Variants in DNAH3 observed in about 807,000 individuals in gnomAD.
DNAH3 encodes axonemal beta dynein heavy chain 3.
Under a neutral mutation model 432.5 loss-of-function variants are expected in DNAH3, and 332 were observed. That is an observed-to-expected ratio of 0.77 (90% confidence interval 0.70 to 0.84). DNAH3 has a LOEUF of 0.84. DNAH3 is among the 40% of genes least tolerant of loss of function. The pLI, the probability that DNAH3 is intolerant of heterozygous loss-of-function variation, is 0.00. For missense variants in DNAH3, 4,861 were observed against 5,114.0 expected (o/e 0.95, Z 1.51); for synonymous variants, 1,956 against 1,900.2 (o/e 1.03, Z -0.76).
At position 20,963,292 on chromosome 16, in the gene DNAH3, G is replaced by A. The variant is rs140740266; in HGVS notation, c.10592C>T (p.Pro3531Leu). ...CAACACTCTGTTCTTACCTGCCATT[G>A]GGTCTGCACTTGGAGACAACACAAA... is the stretch of plus-strand genomic sequence containing the variant. Residue 3531 changes from proline to leucine, a missense_variant, in exon 53 of 62, where the codon CCA (proline) becomes CTA (leucine). Physicochemically the swap from Pro to Leu is moderately conservative, Grantham distance 98. Transcript: ENST00000261383. The A allele has an allele frequency of 2.1e-5, 34 of 1,613,146 alleles. No individual in the cohort carries two copies. In the African/African-American group the frequency reaches 4.3e-4, roughly 20 times the overall value.
intron 1 of DNAH3, among the ~76,000 whole-genome samples, chr16:21,154,132 G>T (rs936485069): frequency 6.6e-6 from 1 of 152,222 alleles, no homozygotes; most frequent in Non-Finnish European, 1.5e-5. Flanking sequence ...GGCCAGGCGC[G>T]GTGGCCCATG....
At chr16:20,933,131 T>A (rs371106720) in exon 62 of DNAH3, 3 of 1,589,184 alleles carry the variant, frequency 1.9e-6, no homozygotes, top group African/African-American at 2.7e-5. Flanking sequence ...TGCTTTTTAT[T>A]TTCTGTCTTG....
intron 29 of DNAH3, among the ~76,000 whole-genome samples, chr16:21,050,900 T>C (rs188390014): frequency 1.1e-4 from 17 of 152,338 alleles, no homozygotes; most frequent in Admixed American, 9.1e-4. Flanking sequence ...AGTTTCTATG[T>C]TTTCATTTAG....
intron 39 of DNAH3, among the ~76,000 whole-genome samples, chr16:21,023,605 A>C (rs1189588911): frequency 6.6e-6 from 1 of 152,170 alleles, no homozygotes; most frequent in Non-Finnish European, 1.5e-5. Context: ...TCTTGGAAAC[A>C]AGACAGGACT....
chr16:20,981,214 A>G (rs894291474), intron 49 of DNAH3, among the ~76,000 whole-genome samples: 2 of 152,218 alleles, frequency 1.3e-5, no homozygotes, highest in Non-Finnish European at 2.9e-5. Flanking sequence ...GCCTACATTC[A>G]TAACTGGAGG....
chr16:21,075,678 C>T (rs1597319867), intron 20 of DNAH3, 117 bp from the exon 21 acceptor site: 22 of 779,108 alleles, frequency 2.8e-5, no homozygotes, highest in Non-Finnish European at 4.2e-5. Context: ...TTTGGGAGGC[C>T]GAGGAGGGAA....
intron 39 of DNAH3, among the ~76,000 whole-genome samples, chr16:21,023,987 A>T (rs775432738): frequency 1.3e-5 from 2 of 152,134 alleles, no homozygotes; most frequent in Non-Finnish European, 2.9e-5. Context: ...TAAGCATTCT[A>T]TTAACACAGG....
intron 3 of DNAH3, among the ~76,000 whole-genome samples, chr16:21,144,961 T>C (rs1365630170): frequency 6.6e-6 from 1 of 150,818 alleles, no homozygotes; most frequent in East Asian, 1.9e-4. Flanking sequence ...CTACTAAAAA[T>C]ACAAAAAAAA....
intron 19 of DNAH3, among the ~76,000 whole-genome samples, chr16:21,085,652 T>C (rs920819613): frequency 6.6e-6 from 1 of 151,424 alleles, no homozygotes; most frequent in Non-Finnish European, 1.5e-5. Flanking sequence ...GAAAGTAGCT[T>C]CTCCCTACAA....
At chr16:21,109,727 CCTCT>C (rs1233956250) in intron 14 of DNAH3, among the ~76,000 whole-genome samples, 12 of 151,312 alleles carry the variant, frequency 7.9e-5, no homozygotes, top group Non-Finnish European at 1.8e-4. Flanking sequence ...AACTTGCATA[CCTCT>C]CTCTTTTTTT....
At chr16:21,155,182 T>G (rs1406111649) in intron 1 of DNAH3, among the ~76,000 whole-genome samples, 3 of 151,886 alleles carry the variant, frequency 2.0e-5, no homozygotes, top group Non-Finnish European at 4.4e-5. Context: ...ACCCCTGACC[T>G]CAAGTGATCT....
intron 51 of DNAH3, among the ~76,000 whole-genome samples, chr16:20,972,235 TCTC>T (rs889416633): frequency 5.3e-4 from 77 of 145,688 alleles, no homozygotes; most frequent in African/African-American, 2.0e-3. Context: ...TTTTTTTTTC[TCTC>T]TTTTTTTTTT....
At chr16:21,061,918 C>T (rs2090374005) in intron 25 of DNAH3, among the ~76,000 whole-genome samples, 1 of 152,184 alleles carries the variant, frequency 6.6e-6, no homozygotes, top group South Asian at 2.1e-4. Context: ...CTCCTGGTTG[C>T]TGCAGTTTAT....
At chr16:21,018,720 C>A (rs1025299197) in intron 41 of DNAH3, among the ~76,000 whole-genome samples, 3 of 151,970 alleles carry the variant, frequency 2.0e-5, no homozygotes, top group Non-Finnish European at 4.4e-5. Flanking sequence ...TGTGGTGAAA[C>A]CCCATCTCTA....
chr16:21,049,471 A>G (rs1038398670), intron 31 of DNAH3, 98 bp downstream of exon 31: 5 of 898,678 alleles, frequency 5.6e-6, no homozygotes, highest in Non-Finnish European at 8.8e-6. Flanking sequence ...TGTCTGCCAT[A>G]CAAGAGATAT....
intron 50 of DNAH3, among the ~76,000 whole-genome samples, chr16:20,978,600 C>A (rs2085707938): frequency 6.6e-6 from 1 of 152,170 alleles, no homozygotes; most frequent in Non-Finnish European, 1.5e-5. Context: ...GTGGTACGAT[C>A]ATAGCTCACT....
At chr16:20,999,449 T>C (rs1379575329) in intron 43 of DNAH3, among the ~76,000 whole-genome samples, 1 of 152,180 alleles carries the variant, frequency 6.6e-6, no homozygotes, top group East Asian at 1.9e-4. Flanking sequence ...ACTCAGGCAA[T>C]ATTTCCTCTG....
In DNAH3 at chr16:21,111,468, G is replaced by A. The variant is rs932841899; in HGVS notation, c.2099+158C>T. On this transcript the variant is annotated intron_variant, in intron 14 of 61. Coordinates refer to ENST00000261383, the Ensembl canonical transcript of DNAH3. ...CTTTCTCTTGACTGTTCACCTCCTA[G>A]CCTGAACCTGAATTCCTCACTACCC... 2.6e-5 allele frequency among the ~76,000 whole-genome samples: 4 copies of A among 152,082 alleles called. No individual in the cohort carries two copies. In the East Asian group the frequency reaches 7.7e-4, roughly 29 times the overall value.
intron 41 of DNAH3, among the ~76,000 whole-genome samples, chr16:21,012,405 T>C (rs1435702537): frequency 6.6e-6 from 1 of 152,204 alleles, no homozygotes; most frequent in Non-Finnish European, 1.5e-5. Flanking sequence ...ACTTTATATA[T>C]AATTCAACCT....
Sources: allele counts gnomAD v4.1 joint callset (sites outside exome capture counted in the v4.1 genomes callset), GRCh38; gene constraint gnomAD v4.1.1; transcripts MANE v1.5; gene names NCBI Gene and HGNC (gene_info 2026-07-23, HGNC 2026-07-21).